Variants in ABCC4 observed in about 807,000 individuals in gnomAD.
The protein encoded by ABCC4 is ATP-binding cassette sub-family C member 4.
Under a neutral mutation model 168.5 loss-of-function variants are expected in ABCC4, and 102 were observed. That is an observed-to-expected ratio of 0.61 (90% CI 0.52 to 0.71). ABCC4 has a LOEUF of 0.71. Ranked by LOEUF, ABCC4 falls within the 30% of genes least tolerant of loss-of-function variation. ABCC4 has a pLI of 0.00. For missense variants in ABCC4, 1,402 were observed against 1,605.8 expected (o/e 0.87, Z 2.17); for synonymous variants, 617 against 590.7 (o/e 1.04, Z -0.65).
At chr13:95,218,174 C>T in intron 4 of ABCC4, among the ~76,000 whole-genome samples, 1 of 152,172 alleles carries the variant, frequency 6.6e-6, no homozygotes, top group East Asian at 1.9e-4. Flanking sequence ...ATTTCTGCAA[C>T]AGGCAACTAG....
chr13:95,190,940 A>T (rs1173505149), intron 9 of ABCC4, among the ~76,000 whole-genome samples: 1 of 152,254 alleles, frequency 6.6e-6, no homozygotes, highest in Non-Finnish European at 1.5e-5. Flanking sequence ...AAAAATGATC[A>T]AGAATGAATC....
chr13:95,088,283 A>T (rs1305993534), intron 20 of ABCC4, among the ~76,000 whole-genome samples: 1 of 152,226 alleles, frequency 6.6e-6, no homozygotes, highest in Non-Finnish European at 1.5e-5. Flanking sequence ...CATCTTAGAA[A>T]AGGCATATAA....
At position 95,224,204 on chromosome 13, in the gene ABCC4, A is replaced by C. The variant is rs552918538; in HGVS notation, c.531+10406T>G. 3.2e-3 allele frequency among the ~76,000 whole-genome samples: 442 copies of C among 138,206 alleles called. 6 individuals carry two copies. Among genetic ancestry groups the C allele is most frequent in the African/African-American group, 0.012 (423 of 35,834 alleles). The allele number at this position is 138,206 out of a possible 152,430, so 90.7% of individuals were successfully genotyped here. A position where few individuals can be genotyped will look rare whatever the true frequency, so the allele number is the denominator to read the frequency against. Reference sequence around the variant, plus strand: ...ATCAAAGAGAAAAAAAAATCAACCCAAAAAAAAAAAAAGAGAAACATTACA... The same window carrying C: ...ATCAAAGAGAAAAAAAAATCAACCCCAAAAAAAAAAAAGAGAAACATTACA... On this transcript the variant is annotated intron_variant, in intron 4 of 30. Transcript: ENST00000645237.
chr13:95,208,338 A>G (rs1363451155), intron 6 of ABCC4, among the ~76,000 whole-genome samples: 1 of 109,808 alleles, frequency 9.1e-6, no homozygotes, highest in Non-Finnish European at 2.0e-5. Context: ...AGGAGAGCAA[A>G]AAAAAAAAAA....
chr13:95,226,757 T>G (rs910379829), intron 4 of ABCC4, among the ~76,000 whole-genome samples: 2 of 152,088 alleles, frequency 1.3e-5, no homozygotes, highest in South Asian at 2.1e-4. Context: ...CTCCTGCATA[T>G]GAGATTCCCA....
chr13:95,249,467 A>T (rs2040200917), intron 1 of ABCC4, among the ~76,000 whole-genome samples: 1 of 152,158 alleles, frequency 6.6e-6, no homozygotes, highest in Non-Finnish European at 1.5e-5. Flanking sequence ...AATGCCCCGT[A>T]AGATTGGAGC....
chr13:95,220,964 G>A (rs1451981922), intron 4 of ABCC4, among the ~76,000 whole-genome samples: 1 of 152,128 alleles, frequency 6.6e-6, no homozygotes, highest in African/African-American at 2.4e-5. Flanking sequence ...CTAAATAAAG[G>A]TTCAGCACCA....
intron 1 of ABCC4, among the ~76,000 whole-genome samples, chr13:95,257,541 A>G (rs1183532761): frequency 6.6e-6 from 1 of 152,032 alleles, no homozygotes; most frequent in East Asian, 1.9e-4. Context: ...ATGGCGGTGC[A>G]CATCCCAGCT....
intron 3 of ABCC4, among the ~76,000 whole-genome samples, chr13:95,240,068 A>C (rs2039887949): frequency 6.6e-6 from 1 of 152,154 alleles, no homozygotes; most frequent in Non-Finnish European, 1.5e-5. Flanking sequence ...GGGGAAAATA[A>C]AACCTGAATC....
intron 1 of ABCC4, among the ~76,000 whole-genome samples, chr13:95,289,894 C>T (rs1463547060): frequency 1.1e-4 from 16 of 151,962 alleles, no homozygotes; most frequent in South Asian, 8.3e-4. Context: ...GTCGAGAGTT[C>T]GAGACCAGCC....
intron 29 of ABCC4, among the ~76,000 whole-genome samples, chr13:95,039,660 G>A (rs1384568178): frequency 6.6e-6 from 1 of 152,162 alleles, no homozygotes; most frequent in South Asian, 2.1e-4. Flanking sequence ...CAGTTACTCA[G>A]TTACATAAGC....
chr13:95,106,466 G>A (rs186626962), intron 20 of ABCC4, among the ~76,000 whole-genome samples: 53 of 151,562 alleles, frequency 3.5e-4, no homozygotes, highest in Non-Finnish European at 4.0e-4. Context: ...AATGTGGCAG[G>A]GGCATCTGTG....
chr13:95,066,565 TATACA>T (rs1396700034), intron 25 of ABCC4, among the ~76,000 whole-genome samples: 1 of 152,220 alleles, frequency 6.6e-6, no homozygotes, highest in East Asian at 1.9e-4. Flanking sequence ...ATTGTTCAGG[TATACA>T]ATAAGCTAGG....
intron 4 of ABCC4, among the ~76,000 whole-genome samples, chr13:95,225,968 T>TAAA (rs11414379): frequency 0.17 from 20,201 of 117,304 alleles, 2,462 homozygotes; most frequent in Non-Finnish European, 0.26. Context: ...CATCTCCACT[T>TAAA]AAAAAAAAAA....
chr13:95,048,612 G>C (rs537366439), intron 27 of ABCC4, among the ~76,000 whole-genome samples: 1 of 152,342 alleles, frequency 6.6e-6, no homozygotes, highest in South Asian at 2.1e-4. Context: ...GGAGGTGCAA[G>C]GTGTGGGGAA....
chr13:95,162,365 A>G (rs2037125828), intron 18 of ABCC4, among the ~76,000 whole-genome samples: 1 of 152,186 alleles, frequency 6.6e-6, no homozygotes, highest in African/African-American at 2.4e-5. Context: ...AGCTTGTAGG[A>G]GCATTTCCTG....
chr13:95,298,068 C>T (rs1242511399), intron 1 of ABCC4, among the ~76,000 whole-genome samples: 1 of 152,142 alleles, frequency 6.6e-6, no homozygotes, highest in East Asian at 1.9e-4. Context: ...GCGGGCAGAT[C>T]ACCTGAGGTC....
At chr13:95,110,734 G>A (rs1199791991) in intron 20 of ABCC4, among the ~76,000 whole-genome samples, 1 of 152,118 alleles carries the variant, frequency 6.6e-6, no homozygotes, top group Non-Finnish European at 1.5e-5. Flanking sequence ...TTGGGAGGCT[G>A]AGGCAGCAGG....
chr13:95,022,753 A>C (rs1043068315), intron 30 of ABCC4, among the ~76,000 whole-genome samples: 35 of 152,232 alleles, frequency 2.3e-4, no homozygotes, highest in South Asian at 4.1e-4. Context: ...TGCTGTCAAC[A>C]AAGTTATCAC....
Sources: allele counts gnomAD v4.1 joint callset (sites outside exome capture counted in the v4.1 genomes callset), GRCh38; gene constraint gnomAD v4.1.1; transcripts MANE v1.5; gene names NCBI Gene and HGNC (gene_info 2026-07-23, HGNC 2026-07-21).